Variants in ZNF418 observed in about 807,000 individuals in gnomAD.
ZNF418 encodes zinc finger protein 418.
A neutral mutation model predicts 32.0 loss-of-function variants in ZNF418; 32 were observed. That is an observed-to-expected ratio of 1.00 (90% CI 0.75 to 1.34). ZNF418 has a LOEUF of 1.34. Among genes scored for constraint, ZNF418 ranks in the 40% most tolerant of loss-of-function variants. The pLI is 0.00. For synonymous variants in ZNF418, 276 were observed against 270.7 expected (o/e 1.02, Z -0.19); for missense variants, 804 against 812.5 (o/e 0.99, Z 0.13).
rs376056476 is a variant in ZNF418, at chr19:57,934,769, C to T, written c.-81+392G>A. On this transcript the variant is annotated intron_variant, in intron 1 of 5. Transcript: ENST00000396147. ...TCCTCTACTATGTTCTTCCTTTGGC[C>T]TTTGGGAAACCTTAAAAGCCTGGAC... 4 of 260,758 alleles carry T rather than the reference C, an allele frequency of 1.5e-5. No individual in the cohort carries two copies. The South Asian group carries it at 3.5e-4, about 23-fold the overall frequency. 16.2% of individuals were successfully genotyped at this position (260,758 alleles called of 1,614,324 possible). A position where few individuals can be genotyped will look rare whatever the true frequency, so the allele number is the denominator to read the frequency against.
At chr19:57,925,180 G>A (rs2122713152) in intron 4 of ZNF418, among the ~76,000 whole-genome samples, 1 of 152,276 alleles carries the variant, frequency 6.6e-6, no homozygotes, top group South Asian at 2.1e-4. Flanking sequence ...CATGAGACCC[G>A]CTGGGTGCGG....
chr19:57,923,846 G>C (rs190773095), intron 4 of ZNF418, among the ~76,000 whole-genome samples: 200 of 152,218 alleles, frequency 1.3e-3, no homozygotes, highest in African/African-American at 4.5e-3. Context: ...AAAGTGCTGG[G>C]ATTACAGGCG....
intron 4 of ZNF418, 147 bp from the exon 5 acceptor site, chr19:57,923,436 A>G (rs1169407230): frequency 1.3e-5 from 2 of 151,468 alleles, no homozygotes; most frequent in Admixed American, 1.3e-4. Context: ...ACATATACAC[A>G]CACATACATA....
intron 2 of ZNF418, chr19:57,932,562 G>A: frequency 6.5e-7 from 1 of 1,533,702 alleles, no homozygotes. Flanking sequence ...CTTCTGTGTT[G>A]CACTTGGTGA....
chr19:57,933,878 TCTC>T lies in ZNF418; in HGVS notation c.-59_-57del. The T allele has an allele frequency of 6.2e-7, 1 of 1,613,886 alleles. No homozygotes were observed. The highest frequency in any genetic ancestry group is 1.1e-5 in the South Asian group (1 of 91,066). On this transcript the variant is annotated 5_prime_UTR_variant, in exon 2 of 6. Coordinates refer to ENST00000396147, the MANE Select transcript of ZNF418 (RefSeq NM_133460.3). ...TCCTCCTCCCTCAAACACAGTGTGT[TCTC>T]TTCTTTGCAGCCAGATGATGCCTGC...
intron 1 of ZNF418, 89 bp downstream of exon 1, chr19:57,935,072 C>A (rs1393618853): frequency 6.7e-6 from 9 of 1,337,236 alleles, no homozygotes; most frequent in Non-Finnish European, 4.8e-6. Context: ...CGGGTCCGGG[C>A]TGCAGACCTG....
rs780331406 is a variant in ZNF418 at position 57,926,755 on chromosome 19, G to T, written c.1426C>A (p.His476Asn). 3.1e-6 allele frequency: 5 copies of T among 1,614,090 alleles called. No homozygotes were observed. The highest frequency in any genetic ancestry group is 3.4e-6 in the Non-Finnish European group (4 of 1,180,030). ...KSHLIEHQRV[H>N]TGERPYECNE... ...CATTCATATGGCCTTTCTCCAGTGTGAACTCTCTGGTGTTCAATGAGGTGG... is the reference window on the plus strand; with the variant it reads ...CATTCATATGGCCTTTCTCCAGTGTTAACTCTCTGGTGTTCAATGAGGTGG... The change falls in exon 4 of 6, where the codon CAC becomes AAC. Residue 476 changes from histidine to asparagine, a missense_variant. By Grantham distance (68) the His-to-Asn change is moderately conservative. This residue lies in a region of ZNF418 where 475 missense variants were observed against 458.6 expected (regional missense o/e 1.04). Coordinates refer to ENST00000396147, the MANE Select transcript of ZNF418 (RefSeq NM_133460.3).
At chr19:57,933,568 A>G (rs1260025510) in intron 2 of ZNF418, among the ~76,000 whole-genome samples, 2 of 152,168 alleles carry the variant, frequency 1.3e-5, no homozygotes, top group African/African-American at 4.8e-5. Context: ...AAAAATCCAA[A>G]AAATTAGCTG....
chr19:57,933,964 A>G, intron 1 of ZNF418, 62 bp from the exon 2 acceptor site: 1 of 1,593,040 alleles, frequency 6.3e-7, no homozygotes, highest in Non-Finnish European at 8.5e-7. Context: ...TCCCCACCGA[A>G]TTTTTACCTC....
At chr19:57,929,840 G>A (rs1227374040) in intron 3 of ZNF418, among the ~76,000 whole-genome samples, 3 of 151,948 alleles carry the variant, frequency 2.0e-5, no homozygotes, top group Non-Finnish European at 2.9e-5. Flanking sequence ...CCGCCACCAC[G>A]CCCAGCTAAT....
At chr19:57,922,997 CAAAA>C (rs34078539) in intron 5 of ZNF418, among the ~76,000 whole-genome samples, 191 bp downstream of exon 5, 4 of 84,488 alleles carry the variant, frequency 4.7e-5, no homozygotes, top group African/African-American at 4.8e-5. Flanking sequence ...GACACTGTCT[CAAAA>C]AAAAAAAAAA....
chr19:57,930,201 C>A (rs564045851), intron 3 of ZNF418, among the ~76,000 whole-genome samples: 1 of 152,190 alleles, frequency 6.6e-6, no homozygotes, highest in African/African-American at 2.4e-5. Flanking sequence ...AGACACCTGA[C>A]TCTAACTCCT....
chr19:57,926,273 TTCAG>T lies in ZNF418; in HGVS notation c.1904_1907del (p.Thr635AsnfsTer51), dbSNP rs1421615510. 2 of 1,613,210 alleles carry T rather than the reference TTCAG, an allele frequency of 1.2e-6. No homozygotes were observed. The highest frequency in any genetic ancestry group is 1.7e-6 in the Non-Finnish European group (2 of 1,179,404). On this transcript the variant is annotated frameshift_variant, in exon 4 of 6. Transcript: ENST00000396147. LOFTEE classifies it low-confidence loss of function (END_TRUNC). ...TTTCTCCAGTGTGTACTCTCCTGTG[TTCAG>T]TAAGACTGAAGGTTTCAGCAAAGGA...
rs559918074 is a variant in ZNF418, at chr19:57,933,591, G to A, written c.6+226C>T. Among the ~76,000 whole-genome samples, 6 of 152,238 alleles carry A rather than the reference G, an allele frequency of 3.9e-5. No individual in the cohort carries two copies. The South Asian group carries it at 1.2e-3, about 32-fold the overall frequency. On this transcript the variant is annotated intron_variant, in intron 2 of 5. Transcript: ENST00000396147. ...AAAAAATTAGCTGAGCATGGTGACG[G>A]GCGCCTGTAGTCCCAGCTACTCGGG...
rs752281408 is a variant in ZNF418 at position 57,926,649 on chromosome 19, T to G, written c.1532A>C (p.Glu511Ala). ...QRVHTGEKPF[E>A]CSECGKSFPQ... ...AAATGACTTCCCACATTCACTACACTCAAACGGTTTTTCTCCAGTGTGAAC... is the reference window on the plus strand; with the variant it reads ...AAATGACTTCCCACATTCACTACACGCAAACGGTTTTTCTCCAGTGTGAAC... The change falls in exon 4 of 6, where the codon GAG becomes GCG. Residue 511 changes from glutamate to alanine, a missense_variant. Physicochemically the swap from Glu to Ala is moderately radical, Grantham distance 107. Around this residue, in one of 3 missense-constraint regions of ZNF418, gnomAD observed 475 missense variants for 458.6 expected, o/e 1.04. Coordinates refer to ENST00000396147, the MANE Select transcript of ZNF418 (RefSeq NM_133460.3). The G allele has an allele frequency of 1.9e-6, 3 of 1,614,126 alleles. No homozygotes were observed. The highest frequency in any genetic ancestry group is 2.5e-6 in the Non-Finnish European group (3 of 1,180,034).
At chr19:57,934,926 C>T (rs899744223) in intron 1 of ZNF418, 3 of 1,066,502 alleles carry the variant, frequency 2.8e-6, no homozygotes, top group South Asian at 1.9e-5. Context: ...CGCCTGTGGA[C>T]CCCAGGTTCC....
At chr19:57,922,673 T>A in intron 5 of ZNF418, 44 bp from the exon 6 acceptor site, 2 of 398,376 alleles carry the variant, frequency 5.0e-6, no homozygotes, top group Non-Finnish European at 8.9e-6. Flanking sequence ...TACTTAAATA[T>A]ATGGGACACC....
At chr19:57,933,741 G>GTTGCCATTT in intron 2 of ZNF418, 76 bp downstream of exon 2, 1 of 1,579,832 alleles carries the variant, frequency 6.3e-7, no homozygotes, top group Non-Finnish European at 8.7e-7. Flanking sequence ...GGAAAATCTA[G>GTTGCCATTT]TTGCCATTTT....
rs373412073 is a variant in ZNF418, at chr19:57,927,533, G to A, written c.648C>T (p.His216=). The change falls in exon 4 of 6, where the codon CAC becomes CAT. Residue 216 remains histidine, a synonymous_variant. Coordinates refer to ENST00000396147, the MANE Select transcript of ZNF418 (RefSeq NM_133460.3). ...GAAGTCTCTGCTGTTGAACAAATAC[G>A]TGTTTGGTGCTAGAATGTTTCATGC... is the stretch of plus-strand genomic sequence containing the variant. ...GECMKHSSTK[H]VFVQQQRLPS... 18 of 1,614,072 alleles carry A rather than the reference G, an allele frequency of 1.1e-5. No individual in the cohort carries two copies. Among genetic ancestry groups the A allele is most frequent in the African/African-American group, 5.3e-5 (4 of 74,936 alleles).
Sources: gnomAD v4.1 joint callset for allele counts (sites outside exome capture counted in the v4.1 genomes callset) on GRCh38, gnomAD v4.1.1 for gene constraint, gnomAD v4.1.1 regional missense constraint, MANE v1.5 for transcripts, NCBI Gene and HGNC (gene_info 2026-07-23, HGNC 2026-07-21) for gene names.